ZCCHC7: variants seen among roughly 807,000 people sequenced by gnomAD.
ZCCHC7 encodes zinc finger CCHC-type containing 7, also known as zinc finger CCHC domain-containing protein 7.
A neutral mutation model predicts 52.0 loss-of-function variants in ZCCHC7; 35 were observed. That is an observed-to-expected ratio of 0.67 (90% CI 0.51 to 0.89). ZCCHC7 has a LOEUF of 0.89. ZCCHC7 is among the 40% of genes least tolerant of loss of function. The pLI, the probability that ZCCHC7 is intolerant of heterozygous loss-of-function variation, is 0.00. For synonymous variants in ZCCHC7, 217 were observed against 221.5 expected, an observed-to-expected ratio of 0.98 and a Z score of 0.18; for missense variants, 574 against 649.1, an observed-to-expected ratio of 0.88 and a Z score of 1.26.
intron 2 of ZCCHC7, among the ~76,000 whole-genome samples, chr9:37,208,191 C>G (rs974738358): frequency 6.6e-6 from 1 of 152,148 alleles, no homozygotes; most frequent in Admixed American, 6.5e-5. Context: ...CTCAGGTGAT[C>G]CTCCCACCTC....
chr9:37,139,855 G>A (rs184583088), intron 2 of ZCCHC7, among the ~76,000 whole-genome samples: 53 of 152,030 alleles, frequency 3.5e-4, no homozygotes, highest in Admixed American at 3.4e-3. Flanking sequence ...ACTAAATAGT[G>A]CTTGCAACAG....
At chr9:37,226,596 C>T (rs1825117434) in intron 2 of ZCCHC7, among the ~76,000 whole-genome samples, 1 of 152,122 alleles carries the variant, frequency 6.6e-6, no homozygotes, top group Non-Finnish European at 1.5e-5. Context: ...AAAGGACAAG[C>T]TTTTCAGCAA....
chr9:37,218,192 T>G (rs889132434), intron 2 of ZCCHC7, among the ~76,000 whole-genome samples: 1 of 152,134 alleles, frequency 6.6e-6, no homozygotes, highest in African/African-American at 2.4e-5. Flanking sequence ...GATTGTCAAG[T>G]AGCAGATAGA....
chr9:37,128,776 G>A (rs1842644510), intron 2 of ZCCHC7, among the ~76,000 whole-genome samples: 1 of 152,230 alleles, frequency 6.6e-6, no homozygotes, highest in Admixed American at 6.5e-5. Flanking sequence ...TTAAAATGAT[G>A]TGAACTTGTA....
At chr9:37,259,208 T>C (rs1211547999) in intron 2 of ZCCHC7, among the ~76,000 whole-genome samples, 1 of 152,228 alleles carries the variant, frequency 6.6e-6, no homozygotes, top group African/African-American at 2.4e-5. Context: ...AGAGTGCTAA[T>C]GTTTAAAGCT....
intron 2 of ZCCHC7, among the ~76,000 whole-genome samples, chr9:37,132,897 G>T (rs1251324594): frequency 6.6e-6 from 1 of 152,186 alleles, no homozygotes; most frequent in Non-Finnish European, 1.5e-5. Context: ...CCGGCACTTT[G>T]GGAGGCCGAG....
At chr9:37,321,479 A>G (rs1486312028) in intron 5 of ZCCHC7, among the ~76,000 whole-genome samples, 1 of 152,116 alleles carries the variant, frequency 6.6e-6, no homozygotes, top group Non-Finnish European at 1.5e-5. Context: ...AAATTATCTT[A>G]CCAGGTTGGG....
At chr9:37,355,698 T>G (rs80270135) in intron 8 of ZCCHC7, among the ~76,000 whole-genome samples, 7,755 of 152,264 alleles carry the variant, frequency 0.051, 646 homozygotes, top group African/African-American at 0.17. Context: ...CAGAACCTGA[T>G]TATAGGAAAA....
intron 1 of ZCCHC7, among the ~76,000 whole-genome samples, chr9:37,124,169 A>G (rs1225040039): frequency 1.3e-5 from 2 of 152,168 alleles, no homozygotes; most frequent in African/African-American, 4.8e-5. Context: ...AGTGGAAGAA[A>G]GAATAAATAG....
At chr9:37,240,832 A>G (rs1233820749) in intron 2 of ZCCHC7, among the ~76,000 whole-genome samples, 2 of 151,850 alleles carry the variant, frequency 1.3e-5, no homozygotes, top group Non-Finnish European at 2.9e-5. Context: ...TGTTATTGTT[A>G]AGAAGCCACC....
intron 2 of ZCCHC7, among the ~76,000 whole-genome samples, chr9:37,212,510 CTCTT>C (rs1193301559): frequency 1.3e-5 from 2 of 151,918 alleles, no homozygotes; most frequent in African/African-American, 4.8e-5. Flanking sequence ...CTTTCTTTTT[CTCTT>C]TCTCTTTCTT....
intron 2 of ZCCHC7, among the ~76,000 whole-genome samples, chr9:37,226,792 A>T (rs867882434): frequency 6.6e-6 from 1 of 152,284 alleles, no homozygotes; most frequent in South Asian, 2.1e-4. Context: ...GCACTTTGAG[A>T]CACCGAGGCG....
intron 2 of ZCCHC7, among the ~76,000 whole-genome samples, chr9:37,263,678 T>C (rs1393847179): frequency 1.3e-5 from 2 of 152,224 alleles, no homozygotes; most frequent in African/African-American, 2.4e-5. Context: ...GCAAATTTCA[T>C]TGTACACTAC....
chr9:37,307,861 G>T (rs1390727477), intron 5 of ZCCHC7, among the ~76,000 whole-genome samples: 1 of 152,070 alleles, frequency 6.6e-6, no homozygotes, highest in Non-Finnish European at 1.5e-5. Context: ...AAACAGTGGT[G>T]CATTTAATAA....
chr9:37,342,307 G>A (rs1272181496), intron 6 of ZCCHC7, among the ~76,000 whole-genome samples: 1 of 152,144 alleles, frequency 6.6e-6, no homozygotes, highest in Non-Finnish European at 1.5e-5. Context: ...GAAAGATTTT[G>A]GGAGGAACAT....
intron 2 of ZCCHC7, among the ~76,000 whole-genome samples, chr9:37,168,709 G>A (rs893610682): frequency 6.6e-6 from 1 of 152,098 alleles, no homozygotes; most frequent in Non-Finnish European, 1.5e-5. Context: ...ACTAGCCCTA[G>A]CAACATAACA....
At position 37,357,100 on chromosome 9, in the gene ZCCHC7, C is replaced by T. The variant is rs1821751762; in HGVS notation, c.1464C>T (p.Thr488=). ...ACTCTTCTCCTGGCAGTTTTAAAACCCAGAAGCCTTCTAAGCCCTTTCACC... is the reference window on the plus strand; with the variant it reads ...ACTCTTCTCCTGGCAGTTTTAAAACTCAGAAGCCTTCTAAGCCCTTTCACC... ...KTYSSPGSFK[T]QKPSKPFHRS... is the part of the protein sequence containing the mutation. Residue 488 remains threonine (T), a synonymous_variant, in exon 9 of 9, where the codon ACC becomes ACT. Transcript: ENST00000336755. 6.2e-7 allele frequency: 1 copy of T among 1,613,712 alleles called. No homozygotes were observed. Among genetic ancestry groups the T allele is most frequent in the Non-Finnish European group, 8.5e-7 (1 of 1,179,938 alleles).
At chr9:37,196,662 AT>A (rs1437394230) in intron 2 of ZCCHC7, among the ~76,000 whole-genome samples, 2 of 152,178 alleles carry the variant, frequency 1.3e-5, no homozygotes, top group African/African-American at 4.8e-5. Context: ...GATTTAGCAG[AT>A]TATTATTTAA....
intron 2 of ZCCHC7, among the ~76,000 whole-genome samples, chr9:37,142,722 CTA>C (rs998163362): frequency 6.6e-6 from 1 of 151,628 alleles, no homozygotes; most frequent in African/African-American, 2.4e-5. Context: ...GTTTGTAAAA[CTA>C]TTCCTCCTTT....
Sources: gnomAD v4.1 joint callset for allele counts (sites outside exome capture counted in the v4.1 genomes callset) on GRCh38, gnomAD v4.1.1 for gene constraint, MANE v1.5 for transcripts, NCBI Gene and HGNC (gene_info 2026-07-23, HGNC 2026-07-21) for gene names.